The following CFAP61 variants were observed in gnomAD, a reference collection of about 807,000 sequenced individuals.
CFAP61 encodes cilia- and flagella-associated protein 61.
Under a neutral mutation model 135.6 loss-of-function variants are expected in CFAP61, and 107 were observed. That is an observed-to-expected ratio of 0.79 (90% CI 0.67 to 0.93). The LOEUF is 0.93. Ranked by LOEUF, CFAP61 falls within the 40% of genes least tolerant of loss-of-function variation. The pLI is 0.00. For synonymous variants in CFAP61, 575 were observed against 578.5 expected, an observed-to-expected ratio of 0.99 and a Z score of 0.09; for missense variants, 1,507 against 1,556.2, an observed-to-expected ratio of 0.97 and a Z score of 0.53.
intron 21 of CFAP61, among the ~76,000 whole-genome samples, chr20:20,273,041 ATTTTTT>A (rs998055743): frequency 2.4e-5 from 3 of 127,358 alleles, no homozygotes; most frequent in Non-Finnish European, 4.9e-5. Context: ...GCCATGCTTA[ATTTTTT>A]TTTTTTTTTT....
At chr20:20,242,527 C>T (rs1417567133) in intron 18 of CFAP61, among the ~76,000 whole-genome samples, 2 of 152,224 alleles carry the variant, frequency 1.3e-5, no homozygotes, top group Non-Finnish European at 2.9e-5. Context: ...GGCCAGCAGG[C>T]CTGGCTTTCT....
chr20:20,220,345 T>C (rs889033586), intron 17 of CFAP61: 3 of 152,252 alleles, frequency 2.0e-5, no homozygotes, highest in African/African-American at 7.2e-5. Flanking sequence ...CAGCTGGCTA[T>C]TTCTGAGCCC....
Position 20,147,789 on chromosome 20 carries a change from T to C in CFAP61, c.951+4841T>C, listed in dbSNP as rs2052023779. On this transcript the variant is annotated intron_variant, in intron 9 of 26. Transcript: ENST00000245957. ...TTGGTTTTTTGTTTTTTTTTTTGCA[T>C]TTGCTTTTGGGGTCTTAGTCATGAA... Among the ~76,000 whole-genome samples the C allele has an allele frequency of 2.0e-5, 3 of 152,302 alleles. No homozygotes were observed. In the South Asian group the frequency reaches 6.2e-4, roughly 32 times the overall value.
intron 8 of CFAP61, among the ~76,000 whole-genome samples, chr20:20,099,583 G>GC (rs375245546): frequency 2.3e-4 from 35 of 151,978 alleles, no homozygotes; most frequent in Middle Eastern, 3.4e-3. Context: ...CCACACGGGG[G>GC]GGGGGTTGTG....
intron 8 of CFAP61, among the ~76,000 whole-genome samples, chr20:20,112,012 A>G (rs1400197312): frequency 6.6e-6 from 1 of 152,202 alleles, no homozygotes; most frequent in East Asian, 1.9e-4. Flanking sequence ...TTCCTTTTCC[A>G]TGGGTTTCCT....
At chr20:20,348,248 G>A (rs966657641) in intron 26 of CFAP61, among the ~76,000 whole-genome samples, 1 of 152,116 alleles carries the variant, frequency 6.6e-6, no homozygotes, top group Non-Finnish European at 1.5e-5. Context: ...TTTAAATTTA[G>A]AAGCAAAAAT....
At chr20:20,281,184 A>G (rs536914261) in intron 22 of CFAP61, among the ~76,000 whole-genome samples, 7 of 152,296 alleles carry the variant, frequency 4.6e-5, no homozygotes, top group African/African-American at 1.7e-4. Context: ...TAAACATGTC[A>G]TGCAAATAGA....
chr20:20,354,860 C>A (rs896846433), intron 26 of CFAP61, among the ~76,000 whole-genome samples: 9 of 145,532 alleles, frequency 6.2e-5, no homozygotes, highest in Non-Finnish European at 1.2e-4. Context: ...GGGATGTGGT[C>A]ACACTGAGAG....
At chr20:20,069,568 G>A (rs539770343) in intron 2 of CFAP61, among the ~76,000 whole-genome samples, 3 of 152,152 alleles carry the variant, frequency 2.0e-5, no homozygotes, top group South Asian at 2.1e-4. Context: ...GTGAGCCACC[G>A]TTCCCGGCCA....
intron 6 of CFAP61, among the ~76,000 whole-genome samples, chr20:20,078,630 G>A (rs1190127458): frequency 6.6e-6 from 1 of 152,144 alleles, no homozygotes; most frequent in Non-Finnish European, 1.5e-5. Context: ...CTTGCTGAGG[G>A]GGAGATTGCA....
chr20:20,125,825 C>A (rs533411763), intron 8 of CFAP61, among the ~76,000 whole-genome samples: 1 of 151,802 alleles, frequency 6.6e-6, no homozygotes, highest in South Asian at 2.1e-4. Flanking sequence ...ACTGAAGTCC[C>A]CCACTATTAT....
intron 17 of CFAP61, among the ~76,000 whole-genome samples, chr20:20,202,119 T>G (rs1196651759): frequency 6.6e-6 from 1 of 152,212 alleles, no homozygotes; most frequent in Admixed American, 6.5e-5. Context: ...CCGAAACCAT[T>G]GCTTACATTG....
intron 26 of CFAP61, among the ~76,000 whole-genome samples, chr20:20,355,053 C>CTGTGAGAGGGAAGGTGGTCACAG (rs1469962430): frequency 6.9e-6 from 1 of 143,970 alleles, no homozygotes; most frequent in Non-Finnish European, 1.5e-5. Context: ...GGTGGTCACA[C>CTGTGAGAGGGAAGGTGGTCACAG]TGTGAGAGGG....
intron 21 of CFAP61, chr20:20,265,325 G>A: frequency 1.3e-6 from 1 of 777,394 alleles, no homozygotes; most frequent in South Asian, 1.3e-5. Context: ...TCTTAAGGTG[G>A]AATATTGATA....
chr20:20,203,521 T>C (rs1038690218), intron 17 of CFAP61, among the ~76,000 whole-genome samples: 18 of 152,206 alleles, frequency 1.2e-4, no homozygotes, highest in African/African-American at 3.6e-4. Context: ...TCGATGTTTA[T>C]AGGGTACATG....
At chr20:20,285,753 C>T (rs1227046347) in intron 22 of CFAP61, among the ~76,000 whole-genome samples, 7 of 151,766 alleles carry the variant, frequency 4.6e-5, no homozygotes, top group African/African-American at 1.5e-4. Context: ...GCCATCTCTA[C>T]AAAAAAATAC....
Position 20,074,364 on chromosome 20 carries a change from C to G in CFAP61, c.357C>G (p.Cys119Trp). 1 of 1,614,026 alleles carries G rather than the reference C, an allele frequency of 6.2e-7. No homozygotes were observed. The highest frequency in any genetic ancestry group is 8.5e-7 in the Non-Finnish European group (1 of 1,179,938). Reference protein sequence around the residue: ...VAVDEYSVGCCKEILRTVYKA... With the variant: ...VAVDEYSVGCWKEILRTVYKA... ...TGGATGAGTATTCTGTTGGCTGTTG[C>G]AAAGAGATTCTTCGGTGAGTGGATA... is the stretch of plus-strand genomic sequence containing the variant. The change falls in exon 4 of 27, where the codon TGC becomes TGG. Residue 119 changes from cysteine (C) to tryptophan (W), a missense_variant. By Grantham distance (215) the Cys-to-Trp change is radical. Coordinates refer to ENST00000245957, the MANE Select transcript of CFAP61 (RefSeq NM_015585.4).
At chr20:20,251,902 C>A in intron 20 of CFAP61, 139 bp downstream of exon 20, 1 of 890,296 alleles carries the variant, frequency 1.1e-6, no homozygotes, top group Non-Finnish European at 1.7e-6. Flanking sequence ...TTCATAAAAG[C>A]ACCCTTCAGG....
rs1384856282 is a variant in CFAP61, at chr20:20,208,187, G to A, written c.1932+8285G>A. 4.6e-5 allele frequency among the ~76,000 whole-genome samples: 7 copies of A among 152,298 alleles called. No individual in the cohort carries two copies. In the South Asian group the frequency reaches 6.2e-4, roughly 14 times the overall value. Reference sequence around the variant, plus strand: ...AATGAGCGTTAAGCCAGTAGGACTTGTGTGAAGTCATAAAGCCACTTGAGT... The same window carrying A: ...AATGAGCGTTAAGCCAGTAGGACTTATGTGAAGTCATAAAGCCACTTGAGT... On this transcript the variant is annotated intron_variant, in intron 17 of 26. Coordinates refer to ENST00000245957, the MANE Select transcript of CFAP61 (RefSeq NM_015585.4).
Sources: allele counts gnomAD v4.1 joint callset (sites outside exome capture counted in the v4.1 genomes callset), GRCh38; gene constraint gnomAD v4.1.1; transcripts MANE v1.5; gene names NCBI Gene and HGNC (gene_info 2026-07-23, HGNC 2026-07-21).